The following NPAS3 variants were observed in gnomAD, a reference collection of about 807,000 sequenced individuals.
NPAS3 encodes neuronal PAS domain protein 3.
NPAS3 carries 14 observed loss-of-function variants against 73.1 expected under a neutral mutation model. That is an observed-to-expected ratio of 0.19 (90% CI 0.13 to 0.30). The LOEUF (loss-of-function observed/expected upper bound fraction) is 0.30, where lower values mean the gene tolerates loss of function less well. Ranked by LOEUF, NPAS3 falls within the 10% of genes least tolerant of loss-of-function variation. The pLI is 1.00. For synonymous variants in NPAS3, 620 were observed against 541.5 expected, an observed-to-expected ratio of 1.14 and a Z score of -2.01; for missense variants, 1,096 against 1,250.0, an observed-to-expected ratio of 0.88 and a Z score of 1.86.
chr14:33,780,413 T>C (rs2062942455), intron 9 of NPAS3, among the ~76,000 whole-genome samples: 1 of 152,210 alleles, frequency 6.6e-6, no homozygotes, highest in Non-Finnish European at 1.5e-5. Flanking sequence ...TTTGGAATAA[T>C]ACAGGCTAGA....
intron 7 of NPAS3, among the ~76,000 whole-genome samples, chr14:33,743,046 A>T (rs2061693713): frequency 6.7e-6 from 1 of 149,520 alleles, no homozygotes; most frequent in African/African-American, 2.6e-5. Flanking sequence ...TGAGCACCTC[A>T]AAGTCATCCA....
chr14:33,263,533 T>C (rs576798647), intron 3 of NPAS3, among the ~76,000 whole-genome samples: 66 of 152,320 alleles, frequency 4.3e-4, no homozygotes, highest in Non-Finnish European at 8.1e-4. Flanking sequence ...CCTTGTAGTA[T>C]AGTTTGAAGT....
intron 5 of NPAS3, among the ~76,000 whole-genome samples, chr14:33,588,732 G>C (rs531180225): frequency 6.6e-6 from 1 of 152,204 alleles, no homozygotes; most frequent in East Asian, 1.9e-4. Flanking sequence ...TCCTGCCTCA[G>C]CCTCCCAAGT....
At chr14:33,028,866 C>T (rs181994715) in intron 1 of NPAS3, among the ~76,000 whole-genome samples, 57 of 152,070 alleles carry the variant, frequency 3.7e-4, no homozygotes, top group African/African-American at 1.3e-3. Context: ...GTGTAGGATG[C>T]GCAGGTTTGT....
chr14:33,397,841 A>C (rs1421424017), intron 4 of NPAS3, among the ~76,000 whole-genome samples: 1 of 152,122 alleles, frequency 6.6e-6, no homozygotes, highest in African/African-American at 2.4e-5. Context: ...CAGAGAAGGC[A>C]CTTGATCGGA....
chr14:33,657,996 G>A (rs2059197027), intron 5 of NPAS3, among the ~76,000 whole-genome samples: 1 of 152,178 alleles, frequency 6.6e-6, no homozygotes, highest in South Asian at 2.1e-4. Flanking sequence ...TTTCTGGGAT[G>A]CCAGCCACAC....
chr14:33,014,975 G>A (rs955968628), intron 1 of NPAS3, among the ~76,000 whole-genome samples: 3 of 152,170 alleles, frequency 2.0e-5, no homozygotes, highest in Non-Finnish European at 2.9e-5. Context: ...ACTCTTACTC[G>A]GTACACTCCA....
intron 3 of NPAS3, among the ~76,000 whole-genome samples, chr14:33,271,837 T>C (rs535112358): frequency 6.6e-6 from 1 of 152,258 alleles, no homozygotes; most frequent in South Asian, 2.1e-4. Context: ...ATTAAGTTAG[T>C]TATATTCCTT....
chr14:33,469,832 TA>T (rs935297169), intron 4 of NPAS3, among the ~76,000 whole-genome samples: 8 of 152,116 alleles, frequency 5.3e-5, no homozygotes, highest in Non-Finnish European at 1.2e-4. Context: ...GTTGCTGCAT[TA>T]AAAAAAATTA....
At chr14:33,535,292 T>C (rs893340353) in intron 4 of NPAS3, among the ~76,000 whole-genome samples, 1 of 152,210 alleles carries the variant, frequency 6.6e-6, no homozygotes, top group African/African-American at 2.4e-5. Flanking sequence ...TATGACTTTC[T>C]AAATAGGCGC....
At chr14:33,013,284 GTTTACAGCAGATTCTCTTATAAAGGT>G (rs2039277606) in intron 1 of NPAS3, among the ~76,000 whole-genome samples, 1 of 152,070 alleles carries the variant, frequency 6.6e-6, no homozygotes, top group African/African-American at 2.4e-5. Context: ...TATTAAAAAG[GTTTACAGCAGATTCTCTTATAAAGGT>G]TTTAAAATGA....
chr14:33,740,956 T>A (rs1043341857), intron 7 of NPAS3, among the ~76,000 whole-genome samples: 1 of 152,140 alleles, frequency 6.6e-6, no homozygotes, highest in Non-Finnish European at 1.5e-5. Context: ...ATGTGACATA[T>A]TATAATAAGA....
intron 1 of NPAS3, among the ~76,000 whole-genome samples, chr14:33,020,314 G>A (rs995138674): frequency 6.6e-6 from 1 of 152,130 alleles, no homozygotes. Context: ...TCTGGGGTCA[G>A]ACAAATCTGA....
chr14:33,080,821 T>C (rs1400751640), intron 2 of NPAS3, among the ~76,000 whole-genome samples: 1 of 152,216 alleles, frequency 6.6e-6, no homozygotes, highest in Non-Finnish European at 1.5e-5. Flanking sequence ...CTAGAGGTTT[T>C]GCAGTCTTTC....
At chr14:33,111,371 G>T (rs1384349262) in intron 2 of NPAS3, among the ~76,000 whole-genome samples, 1 of 152,120 alleles carries the variant, frequency 6.6e-6, no homozygotes, top group African/African-American at 2.4e-5. Context: ...TTAATAACTG[G>T]CACAGTTGCT....
chr14:33,330,099 C>T (rs2043912774), intron 3 of NPAS3, among the ~76,000 whole-genome samples: 1 of 151,910 alleles, frequency 6.6e-6, no homozygotes. Flanking sequence ...AGAAATTAGC[C>T]AGGTGTGGTG....
At chr14:33,446,781 A>T (rs963813704) in intron 4 of NPAS3, among the ~76,000 whole-genome samples, 1 of 152,244 alleles carries the variant, frequency 6.6e-6, no homozygotes, top group Admixed American at 6.5e-5. Flanking sequence ...CATTAGTTAC[A>T]GAGAACAAAA....
In NPAS3 at chr14:33,580,783, C is replaced by T. The variant is rs149508104; in HGVS notation, c.558+20573C>T. ...TCTCACTTTGTTGGTCCCCCTCCCACACCCACCCTCCACCGCACCCCCCTA... is the reference window on the plus strand; with the variant it reads ...TCTCACTTTGTTGGTCCCCCTCCCATACCCACCCTCCACCGCACCCCCCTA... On this transcript the variant is annotated intron_variant, in intron 5 of 11. Transcript: ENST00000356141. 6.3e-3 allele frequency among the ~76,000 whole-genome samples: 950 copies of T among 151,676 alleles called. 13 individuals are homozygous for T. Among genetic ancestry groups the T allele is most frequent in the African/African-American group, 0.022 (892 of 41,394 alleles).
chr14:33,215,147 T>G, intron 2 of NPAS3, 35 bp from the exon 3 acceptor site: 2 of 1,607,754 alleles, frequency 1.2e-6, no homozygotes, highest in Non-Finnish European at 1.7e-6. Context: ...GAGTCACATA[T>G]TCTAAACCAC....
Sources: gnomAD v4.1 joint callset for allele counts (sites outside exome capture counted in the v4.1 genomes callset) on GRCh38, gnomAD v4.1.1 for gene constraint, MANE v1.5 for transcripts, NCBI Gene and HGNC (gene_info 2026-07-23, HGNC 2026-07-21) for gene names.